Variants in DMD observed in about 807,000 individuals in gnomAD.
DMD encodes the protein mutant dystrophin.
In DMD, 63 loss-of-function variants were observed where a neutral mutation model predicts 330.1. The ratio of observed to expected loss-of-function variants is 0.19; its 90% CI spans 0.16 to 0.24. DMD has a LOEUF of 0.24. Ranked by LOEUF, DMD falls within the 10% of genes least tolerant of loss-of-function variation. The pLI is 1.00. For synonymous variants in DMD, 1,223 were observed against 959.8 expected (o/e 1.27, Z -5.07); for missense variants, 3,344 against 2,684.1 (o/e 1.25, Z -5.43).
intron 55 of DMD, among the ~76,000 whole-genome samples, chrX:31,575,614 T>A (rs949145423): frequency 8.9e-6 from 1 of 111,946 alleles, no homozygotes; most frequent in Non-Finnish European, 1.9e-5. Flanking sequence ...AAAATCACAA[T>A]AAAATGTGTC....
intron 1 of DMD, among the ~76,000 whole-genome samples, chrX:33,278,974 G>C (rs1380527192): frequency 9.0e-6 from 1 of 111,205 alleles, no homozygotes; most frequent in Non-Finnish European, 1.9e-5. Context: ...GTAATAATGG[G>C]GGACTTCAAC....
chrX:32,079,698 A>G (rs2096378247), intron 44 of DMD, among the ~76,000 whole-genome samples: 1 of 111,881 alleles, frequency 8.9e-6, no homozygotes, highest in Admixed American at 9.5e-5. Context: ...TTCTGAACCA[A>G]AGTGGTCATC....
At chrX:32,263,356 C>G (rs1318783076) in intron 43 of DMD, among the ~76,000 whole-genome samples, 3 of 111,777 alleles carry the variant, frequency 2.7e-5, no homozygotes, top group African/African-American at 9.7e-5. Context: ...GGAAGAATAA[C>G]TGTTATTAAA....
intron 54 of DMD, among the ~76,000 whole-genome samples, chrX:31,640,729 C>A (rs1321559008): frequency 1.8e-5 from 2 of 112,240 alleles, no homozygotes; most frequent in African/African-American, 6.5e-5. Context: ...CTGTGTAATT[C>A]TGTAAATTAC....
chrX:32,463,689 G>T, intron 24 of DMD, 95 bp from the exon 25 acceptor site: 3 of 785,465 alleles, frequency 3.8e-6, no homozygotes, highest in Non-Finnish European at 5.2e-6. Context: ...GGGACTGATG[G>T]CATTGCATAT....
At chrX:31,396,099 A>G (rs2148817046) in intron 60 of DMD, among the ~76,000 whole-genome samples, 1 of 109,404 alleles carries the variant, frequency 9.1e-6, no homozygotes, top group Admixed American at 9.8e-5. Flanking sequence ...GTATATTCTG[A>G]TACTCTGATA....
chrX:31,385,986 T>A (rs1183251281), intron 60 of DMD, among the ~76,000 whole-genome samples: 1 of 112,155 alleles, frequency 8.9e-6, no homozygotes, highest in Non-Finnish European at 1.9e-5. Context: ...CAAATGTCCA[T>A]CAATGATAGA....
intron 1 of DMD, among the ~76,000 whole-genome samples, chrX:33,117,903 G>C (rs1365199689): frequency 1.8e-5 from 2 of 110,983 alleles, no homozygotes; most frequent in Non-Finnish European, 3.8e-5. Context: ...ATATACTACG[G>C]GACAAAACAG....
chrX:32,725,914 CCTTT>C (rs2066829834), intron 7 of DMD, among the ~76,000 whole-genome samples: 1 of 110,820 alleles, frequency 9.0e-6, no homozygotes, highest in Admixed American at 9.7e-5. Flanking sequence ...TTACTGCATG[CCTTT>C]ATCAAAGTAT....
chrX:31,876,453 A>C (rs1485167924), intron 47 of DMD, among the ~76,000 whole-genome samples: 1 of 112,107 alleles, frequency 8.9e-6, no homozygotes, highest in Non-Finnish European at 1.9e-5. Context: ...AGGACTCAGT[A>C]ACGTCATCCC....
chrX:31,586,386 T>C (rs780287202), intron 55 of DMD, among the ~76,000 whole-genome samples: 1 of 112,652 alleles, frequency 8.9e-6, no homozygotes, highest in African/African-American at 3.2e-5. Flanking sequence ...ACATATGTGC[T>C]AAATCTCAGA....
intron 9 of DMD, among the ~76,000 whole-genome samples, chrX:32,652,002 A>G (rs2060191288): frequency 9.0e-6 from 1 of 111,591 alleles, no homozygotes. Context: ...CCACTCACAG[A>G]AATGCTACAT....
chrX:32,782,104 G>C (rs1169427703), intron 7 of DMD, among the ~76,000 whole-genome samples: 1 of 111,320 alleles, frequency 9.0e-6, no homozygotes, highest in Non-Finnish European at 1.9e-5. Flanking sequence ...ACAATCTAAT[G>C]AAAACTTTGA....
chrX:33,053,450 G>T (rs1298791321), intron 1 of DMD, among the ~76,000 whole-genome samples: 1 of 109,861 alleles, frequency 9.1e-6, no homozygotes, highest in Non-Finnish European at 1.9e-5. Flanking sequence ...ACAAAAATTA[G>T]CCGGGCATGG....
At chrX:31,521,778 T>C (rs1296857320) in intron 55 of DMD, among the ~76,000 whole-genome samples, 7 of 111,625 alleles carry the variant, frequency 6.3e-5, no homozygotes, top group Non-Finnish European at 1.3e-4. Flanking sequence ...GAAACCAACG[T>C]GGATAATTAT....
intron 52 of DMD, among the ~76,000 whole-genome samples, chrX:31,721,718 CTATATATATA>C (rs1226368643): frequency 1.1e-4 from 6 of 56,483 alleles, no homozygotes; most frequent in East Asian, 5.2e-4. Flanking sequence ...CTCTCTCTCT[CTATATATATA>C]TATATATATA....
At chrX:31,996,984 C>T (rs1487274640) in intron 44 of DMD, among the ~76,000 whole-genome samples, 1 of 111,328 alleles carries the variant, frequency 9.0e-6, no homozygotes, top group Non-Finnish European at 1.9e-5. Context: ...AACTGTATAT[C>T]TTCCATTCCA....
At chrX:32,333,059 T>C (rs981729454) in intron 41 of DMD, among the ~76,000 whole-genome samples, 3 of 111,729 alleles carry the variant, frequency 2.7e-5, no homozygotes, top group African/African-American at 9.7e-5. Flanking sequence ...CATAGAAAGG[T>C]AGCAGGTAAA....
At chrX:31,774,503 A>G (rs1408146065) in intron 50 of DMD, among the ~76,000 whole-genome samples, 1 of 112,011 alleles carries the variant, frequency 8.9e-6, no homozygotes, top group African/African-American at 3.2e-5. Context: ...CTCAGTAACA[A>G]TCATATACAT....
Sources: gnomAD v4.1 joint callset for allele counts (sites outside exome capture counted in the v4.1 genomes callset) on GRCh38, gnomAD v4.1.1 for gene constraint, MANE v1.5 for transcripts, NCBI Gene and HGNC (gene_info 2026-07-23, HGNC 2026-07-21) for gene names.